DNM1: variants seen among roughly 807,000 people sequenced by gnomAD.
DNM1 encodes the protein dynamin 1.
DNM1 carries 29 observed loss-of-function variants against 104.6 expected under a neutral mutation model. The observed-to-expected ratio is 0.28, with a 90% confidence interval of 0.21 to 0.38. The LOEUF is 0.38. DNM1 is among the 10% of genes least tolerant of loss of function. The pLI, the probability that DNM1 is intolerant of heterozygous loss-of-function variation, is 1.00. For synonymous variants in DNM1, 445 were observed against 475.8 expected (o/e 0.94, Z 0.84); for missense variants, 640 against 1,189.4 (o/e 0.54, Z 6.79).
intron 1 of DNM1, among the ~76,000 whole-genome samples, chr9:128,215,461 G>T (rs972632901): frequency 6.6e-6 from 1 of 152,226 alleles, no homozygotes; most frequent in Non-Finnish European, 1.5e-5. Context: ...GACAGAGATG[G>T]GCCACCTCCC....
At chr9:128,239,377 G>A in intron 11 of DNM1, 68 bp from the exon 12 acceptor site, 1 of 1,220,578 alleles carries the variant, frequency 8.2e-7, no homozygotes, top group Non-Finnish European at 1.2e-6. Flanking sequence ...TTTTCTCCCA[G>A]CTTGCCCTGC....
At chr9:128,223,394 C>T (rs1835138899) in intron 9 of DNM1, 1 of 155,450 alleles carries the variant, frequency 6.4e-6, no homozygotes, top group Non-Finnish European at 1.4e-5. Flanking sequence ...GCTTAGATCC[C>T]CTTCAGGGAC....
chr9:128,246,429 C>G lies in DNM1; in HGVS notation c.1707C>G (p.Asn569Lys), dbSNP rs145318071. The G allele has an allele frequency of 6.2e-7, 1 of 1,614,130 alleles. No individual in the cohort carries two copies. The highest frequency in any genetic ancestry group is 1.1e-5 in the South Asian group (1 of 91,090). Residue 569 changes from asparagine (N) to lysine (K), a missense_variant, in exon 16 of 22, where the codon AAC (asparagine) becomes AAG (lysine). Asn to Lys is a moderately conservative substitution (Grantham distance 94). Coordinates refer to ENST00000372923, the MANE Select transcript of DNM1 (RefSeq NM_004408.4). ...AGAAATACATGCTGTCTGTGGACAACCTCAAGCTGCGGGACGTGGAGAAGG... is the reference window on the plus strand; with the variant it reads ...AGAAATACATGCTGTCTGTGGACAAGCTCAAGCTGCGGGACGTGGAGAAGG... ...KEKKYMLSVDNLKLRDVEKGF... is the reference protein window; with the variant it reads ...KEKKYMLSVDKLKLRDVEKGF...
intron 6 of DNM1, chr9:128,221,067 TTCTC>T (rs1834992733): frequency 7.0e-6 from 1 of 143,080 alleles, no homozygotes; most frequent in Non-Finnish European, 1.5e-5. Context: ...CTCTCTTTCT[TTCTC>T]TCTTTCTCTC....
Position 128,254,242 on chromosome 9 carries a change from G to T in DNM1, c.2535-412G>T. 5 of 1,374,742 alleles carry T rather than the reference G, an allele frequency of 3.6e-6. No homozygotes were observed. In the South Asian group the frequency reaches 9.3e-5, roughly 26 times the overall value. 85.2% of individuals were successfully genotyped at this position (1,374,742 alleles called of 1,614,324 possible). ...TCAAGCAGTGTTCTTTCTCTATCAGGCCTGGTGGCTGTTGCATGGGGCTCC... is the reference window on the plus strand; with the variant it reads ...TCAAGCAGTGTTCTTTCTCTATCAGTCCTGGTGGCTGTTGCATGGGGCTCC... On this transcript the variant is annotated intron_variant, in intron 21 of 21. Transcript: ENST00000372923. The surrounding 1 kb of genome is among the most constrained non-coding windows in gnomAD (Gnocchi z 6.1).
At chr9:128,209,202 G>A (rs1210457103) in intron 1 of DNM1, among the ~76,000 whole-genome samples, 5 of 152,202 alleles carry the variant, frequency 3.3e-5, no homozygotes, top group Admixed American at 6.5e-5. Flanking sequence ...CCTGGGGCTG[G>A]AAACATGGAA....
rs762032088 is a variant in DNM1 at position 128,243,167 on chromosome 9, C to T, written c.1671+822C>T. Among the ~76,000 whole-genome samples the T allele has an allele frequency of 1.2e-4, 18 of 152,170 alleles. No individual in the cohort carries two copies. Among genetic ancestry groups the T allele is most frequent in the Admixed American group, 5.2e-4 (8 of 15,288 alleles). ...CGAGGTGCCACAAAAAACCCCTCCC[C>T]GCCCACTAGGGTGCACAGAAGCCCC... On this transcript the variant is annotated intron_variant, in intron 15 of 21. Transcript: ENST00000372923. This position sits in a 1 kb window ranked among gnomAD's most constrained non-coding sequence, Gnocchi z 4.0.
chr9:128,228,938 A>G (rs113884694), intron 10 of DNM1, among the ~76,000 whole-genome samples: 10,382 of 151,950 alleles, frequency 0.068, 362 homozygotes, highest in Middle Eastern at 0.12. Context: ...AACCAAGATC[A>G]CACCACTGCA....
chr9:128,234,546 G>A (rs559360697), intron 11 of DNM1, among the ~76,000 whole-genome samples: 1 of 152,106 alleles, frequency 6.6e-6, no homozygotes, highest in Non-Finnish European at 1.5e-5. Context: ...GGTAATTTTT[G>A]TATTTTTAGT....
In DNM1 at chr9:128,218,285, G is replaced by A. The variant is rs781185286; in HGVS notation, c.216G>A (p.Gln72=). 34 of 1,614,124 alleles carry A rather than the reference G, an allele frequency of 2.1e-5. No individual in the cohort carries two copies. The South Asian group carries it at 3.1e-4, about 15-fold the overall frequency. ...GIVTRRPLVL[Q]LVNATTEYAE... ...TCACCCGACGTCCCCTGGTCTTGCA[G>A]CTGGTCAATGCAACCACAGGTACGT... is the stretch of plus-strand genomic sequence containing the variant. The change falls in exon 2 of 22, where the codon CAG becomes CAA. Residue 72 remains glutamine, a synonymous_variant. Coordinates refer to ENST00000372923, the MANE Select transcript of DNM1 (RefSeq NM_004408.4). The surrounding 1 kb of genome is among the most constrained non-coding windows in gnomAD (Gnocchi z 4.8).
Position 128,220,887 on chromosome 9 carries a change from T to TTCTTTC in DNM1, c.849+548_849+553dup, listed in dbSNP as rs1834936180. Among the ~76,000 whole-genome samples, 1 of 74,070 alleles carries TTCTTTC rather than the reference T, an allele frequency of 1.4e-5. No homozygotes were observed. The allele number at this position is 74,070 out of a possible 152,430, so 48.6% of individuals were successfully genotyped here. On this transcript the variant is annotated intron_variant, in intron 6 of 21. Coordinates refer to ENST00000372923, the MANE Select transcript of DNM1 (RefSeq NM_004408.4). This position sits in a 1 kb window ranked among gnomAD's most constrained non-coding sequence, Gnocchi z 5.2. The stretch of plus-strand genomic sequence containing the variant: ...TCTATTTCTTTTTTCTTTATTTGTT[T>TTCTTTC]TCTTTCTTTCTTTCTTTCTTTCTTT...
chr9:128,231,428 C>T (rs1835688597), intron 10 of DNM1, among the ~76,000 whole-genome samples: 1 of 151,644 alleles, frequency 6.6e-6, no homozygotes, highest in Non-Finnish European at 1.5e-5. Context: ...CTCGAACTCC[C>T]GACCTCAGGT....
rs1834768099 is a variant in DNM1, at chr9:128,218,811, G to A, written c.385+80G>A. ...CTCTGCGTGCCTCGCTCCTCCTGCA[G>A]ACTCCGCCCCTAGAATGACCCTGCC... On this transcript the variant is annotated intron_variant, in intron 3 of 21. Coordinates refer to ENST00000372923, the MANE Select transcript of DNM1 (RefSeq NM_004408.4). This position sits in a 1 kb window ranked among gnomAD's most constrained non-coding sequence, Gnocchi z 4.8. 6.8e-7 allele frequency: 1 copy of A among 1,481,458 alleles called. No homozygotes were observed. The highest frequency in any genetic ancestry group is 9.0e-7 in the Non-Finnish European group (1 of 1,110,292). 91.8% of individuals were successfully genotyped at this position (1,481,458 alleles called of 1,614,324 possible).
chr9:128,208,022 C>T (rs767504924), intron 1 of DNM1, among the ~76,000 whole-genome samples: 1 of 151,822 alleles, frequency 6.6e-6, no homozygotes, highest in African/African-American at 2.4e-5. Context: ...CTGTCTCCCC[C>T]AATGCCCTTG....
chr9:128,237,768 ATTGT>A (rs369253130), intron 11 of DNM1, among the ~76,000 whole-genome samples: 5 of 151,854 alleles, frequency 3.3e-5, no homozygotes, highest in South Asian at 2.1e-4. Context: ...GAATATGTGC[ATTGT>A]TTGTTTGTTT....
At chr9:128,249,257 C>T (rs1829361515) in intron 19 of DNM1, among the ~76,000 whole-genome samples, 1 of 151,920 alleles carries the variant, frequency 6.6e-6, no homozygotes, top group Non-Finnish European at 1.5e-5. Flanking sequence ...TGCCTGTAAT[C>T]CCAGCACTTT....
At position 128,222,530 on chromosome 9, in the gene DNM1, C is replaced by T. The variant is rs35048348; in HGVS notation, c.1062C>T (p.Tyr354=). The T allele has an allele frequency of 0.079, 127,453 of 1,614,074 alleles. 5,349 individuals are homozygous for T. Among genetic ancestry groups the T allele is most frequent in the African/African-American group, 0.11 (8,021 of 75,004 alleles). The change falls in exon 8 of 22, where the codon TAC becomes TAT. Residue 354 remains tyrosine, a synonymous_variant. Transcript: ENST00000372923. This position sits in a 1 kb window ranked among gnomAD's most constrained non-coding sequence, Gnocchi z 7.8. The part of the protein sequence containing the change: ...IEGSGDQIDT[Y]ELSGGARINR... ...GCTCAGGAGATCAGATCGACACCTACGAACTGTCAGGGGGAGCCCGCATTA... is the reference window on the plus strand; with the variant it reads ...GCTCAGGAGATCAGATCGACACCTATGAACTGTCAGGGGGAGCCCGCATTA...
At chr9:128,228,997 G>A (rs201553117) in intron 10 of DNM1, among the ~76,000 whole-genome samples, 6 of 87,406 alleles carry the variant, frequency 6.9e-5, no homozygotes, top group East Asian at 4.5e-4. Context: ...AAAAAAGAAA[G>A]AAAGAAAAAG....
In DNM1 at chr9:128,220,098, A is replaced by G; in HGVS notation, c.688+12A>G. The G allele has an allele frequency of 6.2e-7, 1 of 1,612,950 alleles. No homozygotes were observed. Among genetic ancestry groups the G allele is most frequent in the Non-Finnish European group, 8.5e-7 (1 of 1,179,142 alleles). On this transcript the variant is annotated intron_variant, in intron 5 of 21. Coordinates refer to ENST00000372923, the MANE Select transcript of DNM1 (RefSeq NM_004408.4). The surrounding 1 kb of genome is among the most constrained non-coding windows in gnomAD (Gnocchi z 5.2). Reference sequence around the variant, plus strand: ...CCCCCTGCGCAGAGGTAAGCAGGCCATGCCCCTCAACCACTCCCCAGCCCT... The same window carrying G: ...CCCCCTGCGCAGAGGTAAGCAGGCCGTGCCCCTCAACCACTCCCCAGCCCT...
Sources: gnomAD v4.1 joint callset for allele counts (sites outside exome capture counted in the v4.1 genomes callset) on GRCh38, gnomAD v4.1.1 for gene constraint, Gnocchi (gnomAD v3.1) non-coding constraint, MANE v1.5 for transcripts, NCBI Gene and HGNC (gene_info 2026-07-23, HGNC 2026-07-21) for gene names.